GALNT10: variants seen among roughly 807,000 people sequenced by gnomAD.
GALNT10 encodes GalNAc transferase 10.
In GALNT10, 41 loss-of-function variants were observed where a neutral mutation model predicts 75.0. That is an observed-to-expected ratio of 0.55 (90% CI 0.43 to 0.71). The LOEUF (loss-of-function observed/expected upper bound fraction) is 0.71. GALNT10 is among the 30% of genes least tolerant of loss of function. The probability of loss-of-function intolerance (pLI) is 0.00; values close to 1 mark genes in which losing one functional copy is unlikely to be tolerated. For missense variants in GALNT10, 727 were observed against 818.5 expected (o/e 0.89, Z 1.36); for synonymous variants, 302 against 313.0 (o/e 0.96, Z 0.37).
In GALNT10 at chr5:154,382,601, T is replaced by C. The variant is rs199980839; in HGVS notation, c.938+1970T>C. Among the ~76,000 whole-genome samples the C allele has an allele frequency of 1.3e-4, 20 of 152,332 alleles. No individual in the cohort carries two copies. The East Asian group carries it at 2.9e-3, about 22-fold the overall frequency. On this transcript the variant is annotated intron_variant, in intron 6 of 11. Coordinates refer to ENST00000297107, the MANE Select transcript of GALNT10 (RefSeq NM_198321.4). The stretch of plus-strand genomic sequence containing the variant: ...TCAGGTCTAGGTAGAATTACCCTCA[T>C]TTGACTGATGGAGGCCTTGAGGTTC...
intron 3 of GALNT10, among the ~76,000 whole-genome samples, chr5:154,301,306 A>G (rs926226184): frequency 7.2e-5 from 11 of 152,176 alleles, no homozygotes; most frequent in Admixed American, 3.3e-4. Flanking sequence ...GACCTCTTGA[A>G]TCCCATGGAC....
chr5:154,200,842 A>G (rs1161377086), intron 1 of GALNT10, among the ~76,000 whole-genome samples: 1 of 152,160 alleles, frequency 6.6e-6, no homozygotes, highest in Non-Finnish European at 1.5e-5. Flanking sequence ...GCCCAGAGAT[A>G]CGTTTTGTGT....
chr5:154,309,492 T>C (rs1456723886), intron 3 of GALNT10, among the ~76,000 whole-genome samples: 1 of 152,152 alleles, frequency 6.6e-6, no homozygotes, highest in Non-Finnish European at 1.5e-5. Flanking sequence ...GCAGGGAGAC[T>C]AGTTAGGAGT....
chr5:154,268,995 T>C (rs1753816514), intron 1 of GALNT10, among the ~76,000 whole-genome samples: 1 of 151,900 alleles, frequency 6.6e-6, no homozygotes, highest in Admixed American at 6.6e-5. Context: ...AGAGTTTATT[T>C]TGGAAAATAT....
At chr5:154,360,271 G>A (rs1324667449) in intron 4 of GALNT10, among the ~76,000 whole-genome samples, 1 of 152,036 alleles carries the variant, frequency 6.6e-6, no homozygotes, top group South Asian at 2.1e-4. Context: ...CCAACATGGT[G>A]AAACCCTGTC....
intron 1 of GALNT10, among the ~76,000 whole-genome samples, chr5:154,225,080 C>G (rs538380229): frequency 6.6e-6 from 1 of 151,404 alleles, no homozygotes; most frequent in African/African-American, 2.4e-5. Context: ...CCACACCTGG[C>G]CTTTTTGGGG....
At chr5:154,201,520 G>C (rs1189012042) in intron 1 of GALNT10, among the ~76,000 whole-genome samples, 1 of 152,112 alleles carries the variant, frequency 6.6e-6, no homozygotes, top group Non-Finnish European at 1.5e-5. Flanking sequence ...CATTTGCCTT[G>C]CTTCTGTCCA....
At chr5:154,192,597 T>C (rs1774874634) in intron 1 of GALNT10, among the ~76,000 whole-genome samples, 4 of 152,252 alleles carry the variant, frequency 2.6e-5, no homozygotes, top group Admixed American at 2.6e-4. Flanking sequence ...AAACCATGAT[T>C]ATTGGTCCAG....
chr5:154,303,970 G>T lies in GALNT10; in HGVS notation c.401+5891G>T, dbSNP rs115864859. The stretch of plus-strand genomic sequence containing the variant: ...TAAAAAGTTAGGTAGAGATACGGAA[G>T]ATATAAGAAGATCCAAATCGAAATT... On this transcript the variant is annotated intron_variant, in intron 3 of 11. Coordinates refer to ENST00000297107, the MANE Select transcript of GALNT10 (RefSeq NM_198321.4). Among the ~76,000 whole-genome samples, 683 of 152,224 alleles carry T rather than the reference G, an allele frequency of 4.5e-3. 4 individuals are homozygous for T. The highest frequency in any genetic ancestry group is 0.015 in the African/African-American group (609 of 41,540).
At chr5:154,361,025 T>G (rs1049941619) in intron 4 of GALNT10, among the ~76,000 whole-genome samples, 2 of 152,178 alleles carry the variant, frequency 1.3e-5, no homozygotes, top group Non-Finnish European at 2.9e-5. Flanking sequence ...AAAAGATTTA[T>G]CATTAGAGAG....
At chr5:154,322,772 G>T (rs1754695158) in intron 3 of GALNT10, among the ~76,000 whole-genome samples, 1 of 152,150 alleles carries the variant, frequency 6.6e-6, no homozygotes, top group Non-Finnish European at 1.5e-5. Context: ...TCCCCCTCCT[G>T]CCTGGATCCT....
chr5:154,226,810 T>C (rs1242141564), intron 1 of GALNT10, among the ~76,000 whole-genome samples: 3 of 152,126 alleles, frequency 2.0e-5, no homozygotes, highest in Non-Finnish European at 4.4e-5. Context: ...TTTCCTCGTG[T>C]CCCTTTGCAT....
intron 1 of GALNT10, among the ~76,000 whole-genome samples, chr5:154,229,150 G>A (rs1407860236): frequency 2.0e-5 from 3 of 152,196 alleles, no homozygotes; most frequent in African/African-American, 7.2e-5. Flanking sequence ...TAGAGAACCA[G>A]AGGAGGAAGG....
intron 1 of GALNT10, among the ~76,000 whole-genome samples, chr5:154,201,279 G>A (rs559916784): frequency 2.6e-5 from 4 of 152,142 alleles, no homozygotes; most frequent in Admixed American, 6.5e-5. Flanking sequence ...GCAGGGCAGG[G>A]CTTACGGTCC....
At chr5:154,212,720 G>A (rs1752783146) in intron 1 of GALNT10, among the ~76,000 whole-genome samples, 1 of 151,802 alleles carries the variant, frequency 6.6e-6, no homozygotes, top group South Asian at 2.1e-4. Flanking sequence ...TGTAATCCCA[G>A]CACTTTGGGA....
At chr5:154,266,028 A>C (rs1301287769) in intron 1 of GALNT10, among the ~76,000 whole-genome samples, 1 of 152,226 alleles carries the variant, frequency 6.6e-6, no homozygotes, top group Admixed American at 6.5e-5. Context: ...TGAGGTGATA[A>C]TCAGAAATGT....
chr5:154,265,129 C>T (rs1041839683), intron 1 of GALNT10, among the ~76,000 whole-genome samples: 1 of 152,196 alleles, frequency 6.6e-6, no homozygotes, highest in African/African-American at 2.4e-5. Flanking sequence ...ATGTTCTCCC[C>T]TTCTTGCAGT....
chr5:154,300,426 C>A (rs1358979287), intron 3 of GALNT10, among the ~76,000 whole-genome samples: 2 of 152,114 alleles, frequency 1.3e-5, no homozygotes, highest in African/African-American at 4.8e-5. Context: ...GGCCAGGACC[C>A]CACCCCAGAC....
At chr5:154,259,747 C>G (rs188391654) in intron 1 of GALNT10, among the ~76,000 whole-genome samples, 1 of 152,096 alleles carries the variant, frequency 6.6e-6, no homozygotes, top group Non-Finnish European at 1.5e-5. Flanking sequence ...TTGGTTGTTA[C>G]AATTCTTACA....
Sources: gnomAD v4.1 joint callset for allele counts (sites outside exome capture counted in the v4.1 genomes callset) on GRCh38, gnomAD v4.1.1 for gene constraint, MANE v1.5 for transcripts, NCBI Gene and HGNC (gene_info 2026-07-23, HGNC 2026-07-21) for gene names.